SEL1L2: variants seen among roughly 807,000 people sequenced by gnomAD.
The protein encoded by SEL1L2 is protein sel-1 homolog 2.
SEL1L2 carries 89 observed loss-of-function variants against 98.8 expected under a neutral mutation model. The observed-to-expected ratio is 0.90, with a 90% CI of 0.76 to 1.07. SEL1L2 has a LOEUF of 1.07. SEL1L2 is among the 50% of genes least tolerant of loss of function. The pLI is 0.00. For synonymous variants in SEL1L2, 262 were observed against 278.5 expected, an observed-to-expected ratio of 0.94 and a Z score of 0.59; for missense variants, 788 against 812.0, an observed-to-expected ratio of 0.97 and a Z score of 0.36.
At chr20:13,902,077 T>G (rs931889569) in intron 5 of SEL1L2, among the ~76,000 whole-genome samples, 8 of 152,246 alleles carry the variant, frequency 5.3e-5, no homozygotes, top group African/African-American at 1.9e-4. Flanking sequence ...GGGCAGTAAC[T>G]CCAGGGTGTT....
Position 13,913,947 on chromosome 20 carries a change from G to T in SEL1L2, c.387-3C>A. 6.4e-7 allele frequency: 1 copy of T among 1,556,016 alleles called. No individual in the cohort carries two copies. The highest frequency in any genetic ancestry group is 2.4e-5 in the East Asian group (1 of 41,310). ...CTTTGGCAAAAAGTAGGTAGGCTCT[G>T]TTTCAAGAATATAAAGTCAAGTTTG... On this transcript the variant is annotated splice_polypyrimidine_tract_variant and splice_region_variant and intron_variant, in intron 4 of 19. Coordinates refer to ENST00000284951, the MANE Select transcript of SEL1L2 (RefSeq NM_025229.2).
chr20:13,991,272 T>C (rs2052524660), upstream of SEL1L2, among the ~76,000 whole-genome samples: 1 of 152,250 alleles, frequency 6.6e-6, no homozygotes, highest in Non-Finnish European at 1.5e-5. Flanking sequence ...ACTTTTACAG[T>C]CTGTCCAGGT....
At chr20:13,875,938 A>G in intron 12 of SEL1L2, 100 bp downstream of exon 12, 1 of 878,992 alleles carries the variant, frequency 1.1e-6, no homozygotes, top group Admixed American at 1.8e-5. Context: ...CAGGCCCATT[A>G]TCTGGGCTTG....
intron 1 of SEL1L2, among the ~76,000 whole-genome samples, chr20:13,961,430 A>G (rs2148468649): frequency 6.6e-6 from 1 of 152,328 alleles, no homozygotes; most frequent in South Asian, 2.1e-4. Flanking sequence ...GTAGGGAAGA[A>G]GCTAGCACTA....
intron 17 of SEL1L2, 38 bp from the exon 18 acceptor site, chr20:13,859,472 A>T (rs748430073): frequency 6.6e-7 from 1 of 1,524,512 alleles, no homozygotes; most frequent in Non-Finnish European, 9.0e-7. Context: ...TCATAACTCA[A>T]ATGATTCATG....
intron 2 of SEL1L2, among the ~76,000 whole-genome samples, chr20:13,932,484 T>C (rs192508131): frequency 6.6e-6 from 1 of 151,788 alleles, no homozygotes; most frequent in Non-Finnish European, 1.5e-5. Context: ...CAGGCTGGAG[T>C]GCAGTGACAC....
intron 5 of SEL1L2, among the ~76,000 whole-genome samples, chr20:13,907,166 C>T (rs1442383707): frequency 6.6e-6 from 1 of 151,962 alleles, no homozygotes; most frequent in Admixed American, 6.6e-5. Context: ...CTATTTTAAA[C>T]TATGTAACCA....
chr20:13,890,469 AG>A (rs2047158819), intron 5 of SEL1L2, among the ~76,000 whole-genome samples: 1 of 152,214 alleles, frequency 6.6e-6, no homozygotes, highest in Non-Finnish European at 1.5e-5. Flanking sequence ...TCCCCAGAAA[AG>A]GTTCAAGAAG....
At chr20:13,858,601 T>C (rs938412266) in intron 18 of SEL1L2, among the ~76,000 whole-genome samples, 1 of 152,242 alleles carries the variant, frequency 6.6e-6, no homozygotes, top group South Asian at 2.1e-4. Context: ...TTATTGATAC[T>C]GAATACATCT....
intron 5 of SEL1L2, among the ~76,000 whole-genome samples, chr20:13,899,186 C>G (rs1600668925): frequency 6.6e-6 from 1 of 152,016 alleles, no homozygotes; most frequent in South Asian, 2.1e-4. Context: ...CTTCATGTAA[C>G]TCTTATTTCC....
chr20:13,904,032 A>G (rs1363204860), intron 5 of SEL1L2, among the ~76,000 whole-genome samples: 1 of 152,168 alleles, frequency 6.6e-6, no homozygotes, highest in East Asian at 1.9e-4. Flanking sequence ...AGGTCTTACA[A>G]TTCAATTAAA....
chr20:13,849,357 T>C lies in SEL1L2; in HGVS notation c.*128A>G, dbSNP rs2147671565. The C allele has an allele frequency of 1.6e-6, 2 of 1,217,996 alleles. No homozygotes were observed. The highest frequency in any genetic ancestry group is 2.2e-5 in the Admixed American group (1 of 44,818). 75.4% of individuals were successfully genotyped at this position (1,217,996 alleles called of 1,614,324 possible). On this transcript the variant is annotated 3_prime_UTR_variant, in exon 20 of 20. Transcript: ENST00000284951. Reference sequence around the variant, plus strand: ...TCTAGGATGGTCCCCAAGTCTTGTCTGTTTCCCATCACAGCCCTGAGCGGG... The same window carrying C: ...TCTAGGATGGTCCCCAAGTCTTGTCCGTTTCCCATCACAGCCCTGAGCGGG...
intron 1 of SEL1L2, among the ~76,000 whole-genome samples, chr20:13,974,475 C>CTTTTTTTTTTT (rs11484437): frequency 2.5e-5 from 2 of 80,180 alleles, no homozygotes; most frequent in Non-Finnish European, 2.2e-5. Context: ...CTCTCTCTCT[C>CTTTTTTTTTTT]TTTTTTTTTT....
chr20:13,863,627 A>T (rs144100574), intron 17 of SEL1L2, among the ~76,000 whole-genome samples: 160 of 152,306 alleles, frequency 1.1e-3, no homozygotes, highest in Admixed American at 8.8e-3. Flanking sequence ...AGGACACATG[A>T]TTATTTTTAG....
chr20:13,897,880 C>A (rs1022169079), intron 5 of SEL1L2, among the ~76,000 whole-genome samples: 1 of 145,096 alleles, frequency 6.9e-6, no homozygotes, highest in Non-Finnish European at 1.5e-5. Flanking sequence ...AACAAAAAAA[C>A]AAAACAAAAA....
chr20:13,972,736 T>A (rs1294347097), intron 1 of SEL1L2, among the ~76,000 whole-genome samples: 2 of 152,232 alleles, frequency 1.3e-5, no homozygotes, highest in Non-Finnish European at 2.9e-5. Context: ...CTTCTTATAC[T>A]CAGTGTGGCT....
intron 2 of SEL1L2, among the ~76,000 whole-genome samples, chr20:13,946,730 G>T (rs920799170): frequency 1.3e-5 from 2 of 152,200 alleles, no homozygotes; most frequent in African/African-American, 4.8e-5. Flanking sequence ...CTCTTGGGGC[G>T]AGAAACCCTC....
intron 1 of SEL1L2, among the ~76,000 whole-genome samples, chr20:13,977,936 C>A (rs1002840285): frequency 6.6e-6 from 1 of 152,022 alleles, no homozygotes; most frequent in Non-Finnish European, 1.5e-5. Context: ...TCAAAGCAAT[C>A]TACAGATTCA....
intron 18 of SEL1L2, among the ~76,000 whole-genome samples, chr20:13,858,118 A>C (rs1183876713): frequency 1.3e-5 from 2 of 152,176 alleles, no homozygotes; most frequent in African/African-American, 4.8e-5. Context: ...GCCAAAAGGC[A>C]GGCTGCAGGG....
Sources: allele counts gnomAD v4.1 joint callset (sites outside exome capture counted in the v4.1 genomes callset), GRCh38; gene constraint gnomAD v4.1.1; transcripts MANE v1.5; gene names NCBI Gene and HGNC (gene_info 2026-07-23, HGNC 2026-07-21).